FYN: variants seen among roughly 807,000 people sequenced by gnomAD.
FYN encodes the protein FYN proto-oncogene, Src family tyrosine kinase.
A neutral mutation model predicts 70.2 loss-of-function variants in FYN; 10 were observed. The observed-to-expected ratio is 0.14, with a 90% CI of 0.09 to 0.24. The LOEUF is 0.24. Ranked by LOEUF, FYN falls within the 10% of genes least tolerant of loss-of-function variation. The pLI is 1.00. For missense variants in FYN, 319 were observed against 673.1 expected, an observed-to-expected ratio of 0.47 and a Z score of 5.82; for synonymous variants, 236 against 248.6, an observed-to-expected ratio of 0.95 and a Z score of 0.48.
intron 12 of FYN, among the ~76,000 whole-genome samples, chr6:111,680,765 G>A (rs1268549546): frequency 6.6e-6 from 1 of 152,156 alleles, no homozygotes; most frequent in African/African-American, 2.4e-5. Context: ...TCTCACATGT[G>A]AATAATACCA....
intron 2 of FYN, among the ~76,000 whole-genome samples, chr6:111,828,998 G>A (rs577085669): frequency 6.6e-6 from 1 of 152,312 alleles, no homozygotes; most frequent in Admixed American, 6.5e-5. Context: ...ATCCCCAAGA[G>A]GGGGATATAA....
At chr6:111,739,185 T>C (rs1801835613) in intron 3 of FYN, among the ~76,000 whole-genome samples, 6 of 152,206 alleles carry the variant, frequency 3.9e-5, no homozygotes, top group Admixed American at 3.9e-4. Flanking sequence ...CAGATTCCAC[T>C]GGGCACCTGA....
In FYN at chr6:111,688,638, T is replaced by C. The variant is rs547080258; in HGVS notation, c.1273+5737A>G. Among the ~76,000 whole-genome samples, 10 of 151,674 alleles carry C rather than the reference T, an allele frequency of 6.6e-5. No individual in the cohort carries two copies. The South Asian group carries it at 2.2e-3, about 34-fold the overall frequency. Reference sequence around the variant, plus strand: ...CCGTGCCCACGCAGCGTGTGTGTGCTCATGCAGCGTGTGTGTGCTCATGTG... The same window carrying C: ...CCGTGCCCACGCAGCGTGTGTGTGCCCATGCAGCGTGTGTGTGCTCATGTG... On this transcript the variant is annotated intron_variant, in intron 12 of 13. Transcript: ENST00000354650.
At chr6:111,840,807 A>C (rs1773336614) in intron 2 of FYN, among the ~76,000 whole-genome samples, 1 of 152,214 alleles carries the variant, frequency 6.6e-6, no homozygotes, top group African/African-American at 2.4e-5. Context: ...TTTTATTAAT[A>C]ATCTTTCCTT....
chr6:111,732,508 G>A (rs944156580), intron 3 of FYN, among the ~76,000 whole-genome samples: 1 of 152,202 alleles, frequency 6.6e-6, no homozygotes, highest in Non-Finnish European at 1.5e-5. Flanking sequence ...GGTGAAGGCA[G>A]GTGAAGGGTG....
chr6:111,722,834 A>G (rs1801018331), intron 3 of FYN, among the ~76,000 whole-genome samples: 1 of 152,250 alleles, frequency 6.6e-6, no homozygotes, highest in Non-Finnish European at 1.5e-5. Context: ...TGTCAAGGTC[A>G]AGAAATCCTG....
chr6:111,756,148 T>G lies in FYN; in HGVS notation c.-12+24418A>C, dbSNP rs546957060. Among the ~76,000 whole-genome samples, 14 of 152,196 alleles carry G rather than the reference T, an allele frequency of 9.2e-5. No homozygotes were observed. In the East Asian group the frequency reaches 2.7e-3, roughly 29 times the overall value. Reference sequence around the variant, plus strand: ...ATGTTACAAATAATAACATTAGGAATGAATGAGAGAACATAACTACAGATT... The same window carrying G: ...ATGTTACAAATAATAACATTAGGAAGGAATGAGAGAACATAACTACAGATT... On this transcript the variant is annotated intron_variant, in intron 3 of 13. Transcript: ENST00000354650.
rs547888549 is a variant in FYN, at chr6:111,840,839, A to T, written c.-82+5750T>A. On this transcript the variant is annotated intron_variant, in intron 2 of 13. Transcript: ENST00000354650. Reference sequence around the variant, plus strand: ...CCTTCACATGCAATTTCAGCAGATAATAAGTCTATGCAAGGCAGACAACCA... The same window carrying T: ...CCTTCACATGCAATTTCAGCAGATATTAAGTCTATGCAAGGCAGACAACCA... Among the ~76,000 whole-genome samples the T allele has an allele frequency of 8.5e-4, 129 of 152,376 alleles. 2 individuals are homozygous for T. The South Asian group carries it at 8.9e-3, about 11-fold the overall frequency.
At chr6:111,768,649 G>A (rs1373914131) in intron 3 of FYN, among the ~76,000 whole-genome samples, 2 of 152,146 alleles carry the variant, frequency 1.3e-5, no homozygotes, top group Non-Finnish European at 2.9e-5. Context: ...AAAACCCCAG[G>A]TCAAGAGTCC....
At chr6:111,834,477 T>C (rs1244220360) in intron 2 of FYN, among the ~76,000 whole-genome samples, 2 of 152,162 alleles carry the variant, frequency 1.3e-5, no homozygotes, top group African/African-American at 4.8e-5. Flanking sequence ...TTGGAGCACT[T>C]GCTCCTTCTG....
At position 111,720,072 on chromosome 6, in the gene FYN, A is replaced by G. The variant is rs1290954259; in HGVS notation, c.-11-10T>C. 1 of 1,572,822 alleles carries G rather than the reference A, an allele frequency of 6.4e-7. No homozygotes were observed. The highest frequency in any genetic ancestry group is 8.7e-7 in the Non-Finnish European group (1 of 1,154,510). On this transcript the variant is annotated splice_polypyrimidine_tract_variant and intron_variant, in intron 3 of 13. Transcript: ENST00000354650. ...CCCATTATCTAAATTCCTGCCAAAG[A>G]CAAAAAAGGGGGCACGTAAGCTGGG...
intron 2 of FYN, among the ~76,000 whole-genome samples, chr6:111,781,617 G>C (rs183055884): frequency 5.3e-5 from 8 of 152,328 alleles, no homozygotes; most frequent in East Asian, 3.9e-4. Flanking sequence ...CCAGAGGCCT[G>C]TCCGGCCTCT....
intron 2 of FYN, among the ~76,000 whole-genome samples, chr6:111,792,366 A>G (rs1334337058): frequency 6.6e-6 from 1 of 152,250 alleles, no homozygotes; most frequent in Non-Finnish European, 1.5e-5. Flanking sequence ...GATACAGAGC[A>G]ACTGAAACTC....
At chr6:111,724,913 A>C (rs1801126194) in intron 3 of FYN, among the ~76,000 whole-genome samples, 1 of 152,176 alleles carries the variant, frequency 6.6e-6, no homozygotes, top group African/African-American at 2.4e-5. Flanking sequence ...TAGAAACCAA[A>C]TGCAAGCAAC....
intron 3 of FYN, among the ~76,000 whole-genome samples, chr6:111,744,247 T>C (rs1188588590): frequency 6.6e-6 from 1 of 152,254 alleles, no homozygotes; most frequent in Non-Finnish European, 1.5e-5. Flanking sequence ...CAAAGCTTCA[T>C]ATCTGCGTTA....
At chr6:111,749,937 A>G (rs1052332756) in intron 3 of FYN, among the ~76,000 whole-genome samples, 1 of 145,552 alleles carries the variant, frequency 6.9e-6, no homozygotes, top group Non-Finnish European at 1.5e-5. Context: ...TTTCTCCTGG[A>G]AAAAAAAAAA....
intron 2 of FYN, among the ~76,000 whole-genome samples, chr6:111,838,955 C>A (rs779118039): frequency 1.3e-5 from 2 of 152,192 alleles, no homozygotes; most frequent in African/African-American, 4.8e-5. Context: ...TGACTTCAGA[C>A]CGGGGCTTCC....
intron 2 of FYN, among the ~76,000 whole-genome samples, chr6:111,800,629 G>A (rs530737858): frequency 1.3e-5 from 2 of 152,224 alleles, no homozygotes; most frequent in African/African-American, 2.4e-5. Context: ...ACTATTCACT[G>A]GCTTACAAAA....
intron 3 of FYN, among the ~76,000 whole-genome samples, chr6:111,739,977 C>G (rs1316677452): frequency 6.6e-6 from 1 of 152,116 alleles, no homozygotes; most frequent in Non-Finnish European, 1.5e-5. Context: ...ATGCCTGCCA[C>G]CACGCCCAGC....
Sources: allele counts gnomAD v4.1 joint callset (sites outside exome capture counted in the v4.1 genomes callset), GRCh38; gene constraint gnomAD v4.1.1; transcripts MANE v1.5; gene names NCBI Gene and HGNC (gene_info 2026-07-23, HGNC 2026-07-21).